B3GALT1: variants seen among roughly 807,000 people sequenced by gnomAD.
The protein encoded by B3GALT1 is UDP-Gal:betaGlcNAc beta 1,3-galactosyltransferase, polypeptide 1.
Under a neutral mutation model 23.2 loss-of-function variants are expected in B3GALT1, and 10 were observed. The ratio of observed to expected loss-of-function variants is 0.43; its 90% confidence interval spans 0.27 to 0.73. The LOEUF (loss-of-function observed/expected upper bound fraction) is 0.73. B3GALT1 is among the 30% of genes least tolerant of loss of function. The pLI is 0.21. For synonymous variants in B3GALT1, 156 were observed against 141.5 expected (o/e 1.10, Z -0.73); for missense variants, 299 against 405.4 (o/e 0.74, Z 2.25).
At chr2:167,691,159 C>T (rs992709227) in intron 3 of B3GALT1, among the ~76,000 whole-genome samples, 1 of 151,988 alleles carries the variant, frequency 6.6e-6, no homozygotes, top group Non-Finnish European at 1.5e-5. Context: ...AAACTAAAAT[C>T]CTTATAAGTA....
chr2:167,505,540 T>C (rs1699905721), intron 2 of B3GALT1, among the ~76,000 whole-genome samples: 1 of 152,158 alleles, frequency 6.6e-6, no homozygotes, highest in African/African-American at 2.4e-5. Flanking sequence ...AGGTAAATTA[T>C]TTCCTACGTG....
chr2:167,401,880 A>G (rs1698197398), intron 1 of B3GALT1, among the ~76,000 whole-genome samples: 5 of 152,174 alleles, frequency 3.3e-5, no homozygotes. Context: ...CTTTTGGGAA[A>G]TTCTGTTAAC....
intron 3 of B3GALT1, among the ~76,000 whole-genome samples, chr2:167,760,578 G>A (rs1574248962): frequency 6.6e-6 from 1 of 152,174 alleles, no homozygotes; most frequent in African/African-American, 2.4e-5. Flanking sequence ...CAACATCACA[G>A]TCACCGTCTT....
chr2:167,636,146 G>A (rs1018242216), intron 2 of B3GALT1, among the ~76,000 whole-genome samples: 4 of 151,900 alleles, frequency 2.6e-5, no homozygotes, highest in Non-Finnish European at 5.9e-5. Context: ...CACAGTAAAA[G>A]CAACTTTGTC....
At chr2:167,341,429 A>G (rs1341203250) in intron 1 of B3GALT1, among the ~76,000 whole-genome samples, 1 of 152,200 alleles carries the variant, frequency 6.6e-6, no homozygotes. Flanking sequence ...TGGGAGGCCA[A>G]GGTGGGCAGA....
chr2:167,635,443 A>T (rs1220257104), intron 2 of B3GALT1, among the ~76,000 whole-genome samples: 4 of 152,158 alleles, frequency 2.6e-5, no homozygotes, highest in East Asian at 1.9e-4. Context: ...TTGTATATTT[A>T]AAAAACCCTA....
intron 1 of B3GALT1, among the ~76,000 whole-genome samples, chr2:167,409,916 C>T (rs889750218): frequency 3.9e-5 from 6 of 151,968 alleles, no homozygotes; most frequent in African/African-American, 1.4e-4. Flanking sequence ...ACCCAGCAAT[C>T]CCGTTACTGG....
At chr2:167,560,754 A>C (rs1396279438) in intron 2 of B3GALT1, among the ~76,000 whole-genome samples, 3 of 152,248 alleles carry the variant, frequency 2.0e-5, no homozygotes, top group Admixed American at 2.0e-4. Flanking sequence ...AAGAAGAGCT[A>C]ACTGTCCTAA....
intron 2 of B3GALT1, among the ~76,000 whole-genome samples, chr2:167,512,872 G>A (rs1700046817): frequency 6.7e-6 from 1 of 148,230 alleles, no homozygotes; most frequent in South Asian, 2.1e-4. Context: ...TCAAACTTAT[G>A]AGCTCGTGTG....
intron 3 of B3GALT1, among the ~76,000 whole-genome samples, chr2:167,766,891 T>C (rs1464005531): frequency 2.0e-5 from 3 of 152,172 alleles, no homozygotes; most frequent in Non-Finnish European, 4.4e-5. Context: ...CCCCAAAAAC[T>C]GTTGTCATGA....
At chr2:167,562,572 C>G (rs558409289) in intron 2 of B3GALT1, among the ~76,000 whole-genome samples, 1 of 151,618 alleles carries the variant, frequency 6.6e-6, no homozygotes, top group Non-Finnish European at 1.5e-5. Context: ...TGTGTCAGCC[C>G]AAAATCTCCT....
chr2:167,805,577 A>C (rs1688734674), intron 3 of B3GALT1, among the ~76,000 whole-genome samples: 1 of 152,192 alleles, frequency 6.6e-6, no homozygotes, highest in Non-Finnish European at 1.5e-5. Flanking sequence ...CCATTTATTA[A>C]ATAGGGAATC....
At chr2:167,688,054 C>T (rs1686645494) in intron 3 of B3GALT1, among the ~76,000 whole-genome samples, 2 of 152,028 alleles carry the variant, frequency 1.3e-5, no homozygotes, top group Non-Finnish European at 2.9e-5. Flanking sequence ...TATAATCACA[C>T]TATACATATT....
At chr2:167,643,864 A>G (rs1185395226) in intron 2 of B3GALT1, among the ~76,000 whole-genome samples, 1 of 152,218 alleles carries the variant, frequency 6.6e-6, no homozygotes, top group African/African-American at 2.4e-5. Context: ...TTATCATACA[A>G]GTTATTTATG....
intron 3 of B3GALT1, chr2:167,715,440 T>G: frequency 6.2e-7 from 1 of 1,608,218 alleles, no homozygotes. Context: ...AAAGCATCTT[T>G]TATTGCTATC....
At chr2:167,465,898 T>C (rs530536646) in intron 1 of B3GALT1, among the ~76,000 whole-genome samples, 41 of 152,208 alleles carry the variant, frequency 2.7e-4, no homozygotes, top group African/African-American at 9.9e-4. Flanking sequence ...TAAGGTTTTT[T>C]TTTTTCCCCC....
chr2:167,401,491 G>A (rs1698188362), intron 1 of B3GALT1, among the ~76,000 whole-genome samples: 3 of 152,070 alleles, frequency 2.0e-5, no homozygotes, highest in African/African-American at 4.8e-5. Flanking sequence ...TCCCTACAGT[G>A]TAATATACAG....
At chr2:167,402,560 G>A (rs1025311720) in intron 1 of B3GALT1, among the ~76,000 whole-genome samples, 3 of 152,114 alleles carry the variant, frequency 2.0e-5, no homozygotes, top group Non-Finnish European at 4.4e-5. Context: ...TCTTAGTTAT[G>A]AAGGTTTTTT....
intron 2 of B3GALT1, among the ~76,000 whole-genome samples, chr2:167,556,411 A>T (rs1273666419): frequency 2.0e-5 from 3 of 152,146 alleles, no homozygotes; most frequent in Non-Finnish European, 4.4e-5. Context: ...GAGAATGTAC[A>T]AATTTTTAGG....
Sources: gnomAD v4.1 joint callset for allele counts (sites outside exome capture counted in the v4.1 genomes callset) on GRCh38, gnomAD v4.1.1 for gene constraint, MANE v1.5 for transcripts, NCBI Gene and HGNC (gene_info 2026-07-23, HGNC 2026-07-21) for gene names.